BAZ2A: variants seen among roughly 807,000 people sequenced by gnomAD.
The protein encoded by BAZ2A is bromodomain adjacent to zinc finger domain protein 2A.
BAZ2A carries 34 observed loss-of-function variants against 199.9 expected under a neutral mutation model. The observed-to-expected ratio is 0.17, with a 90% CI of 0.13 to 0.23. BAZ2A has a LOEUF of 0.23. Ranked by LOEUF, BAZ2A falls within the 10% of genes least tolerant of loss-of-function variation. The pLI is 1.00. For missense variants in BAZ2A, 2,002 were observed against 2,391.1 expected (o/e 0.84, Z 3.39); for synonymous variants, 857 against 883.9 (o/e 0.97, Z 0.54).
intron 14 of BAZ2A, 82 bp from the exon 15 acceptor site, chr12:56,604,881 C>T: frequency 6.8e-7 from 1 of 1,473,594 alleles, no homozygotes; most frequent in Non-Finnish European, 9.3e-7. Flanking sequence ...GAAAATACAT[C>T]AGAAGAGAAC....
intron 19 of BAZ2A, 142 bp downstream of exon 19, chr12:56,602,571 C>T: frequency 1.7e-6 from 2 of 1,146,818 alleles, no homozygotes; most frequent in Non-Finnish European, 1.2e-6. Context: ...GGTGGGTAGG[C>T]AGCTTTACTC....
At chr12:56,612,272 C>CT (rs753108940) in intron 5 of BAZ2A, 26 bp from the exon 6 acceptor site, 5 of 1,542,244 alleles carry the variant, frequency 3.2e-6, no homozygotes, top group East Asian at 4.5e-5. Flanking sequence ...ACAGGATAGG[C>CT]TTTAAAAAAA....
At chr12:56,625,154 CTTT>C (rs1002458672) in intron 1 of BAZ2A, among the ~76,000 whole-genome samples, 66 of 108,098 alleles carry the variant, frequency 6.1e-4, no homozygotes, top group South Asian at 4.5e-3. Flanking sequence ...CTTAGAATTT[CTTT>C]TTTTTTTTTT....
At position 56,606,299 on chromosome 12, in the gene BAZ2A, C is replaced by T. The variant is rs139817454; in HGVS notation, c.2207G>A (p.Arg736Gln). 2,188 of 1,613,890 alleles carry T rather than the reference C, an allele frequency of 1.4e-3. 4 individuals are homozygous for T. The highest frequency in any genetic ancestry group is 7.3e-3 in the Middle Eastern group (44 of 6,062). The change falls in exon 12 of 29, where the codon CGG becomes CAG. Residue 736 changes from arginine to glutamine, a missense_variant. Physicochemically the swap from Arg to Gln is conservative, Grantham distance 43. This residue lies in a region of BAZ2A where 1,081 missense variants were observed against 1,274.7 expected (regional missense o/e 0.85). Coordinates refer to ENST00000549884, the MANE Select transcript of BAZ2A (RefSeq NM_001300905.2). The stretch of plus-strand genomic sequence containing the variant: ...CTTTAAGCTCTTGGTCTCTTGTTTC[C>T]GCTTATTTCTGGCCTGTAAACCATA... ...TTIQGQARNK[R>Q]KQETKSLKQK...
chr12:56,625,854 C>T (rs1432965782), intron 1 of BAZ2A, among the ~76,000 whole-genome samples: 2 of 130,242 alleles, frequency 1.5e-5, no homozygotes, highest in South Asian at 2.4e-4. Context: ...CCAGCCTGGG[C>T]GACACAGCGA....
At chr12:56,627,505 T>C (rs569736693) in intron 1 of BAZ2A, among the ~76,000 whole-genome samples, 1 of 148,264 alleles carries the variant, frequency 6.7e-6, no homozygotes, top group African/African-American at 2.5e-5. Context: ...CAAAACTTTA[T>C]CTTTCAAAAT....
chr12:56,609,748 G>C lies in BAZ2A; in HGVS notation c.2080C>G (p.Leu694Val). ...NKTDNRPLKK[L>V]EAQETLNEED... ...AATACCACTGTACCTTGGGCCTCCA[G>C]TTTCTTTAGGGGGCGGTTGTCTGTC... The change falls in exon 10 of 29, where the codon CTG becomes GTG. Residue 694 changes from leucine to valine, a missense_variant. Around this residue, in one of 6 missense-constraint regions of BAZ2A, gnomAD observed 1,081 missense variants for 1,274.7 expected, o/e 0.85. Transcript: ENST00000549884. 1 of 1,613,772 alleles carries C rather than the reference G, an allele frequency of 6.2e-7. No individual in the cohort carries two copies. Among genetic ancestry groups the C allele is most frequent in the Non-Finnish European group, 8.5e-7 (1 of 1,179,782 alleles).
Position 56,604,266 on chromosome 12 carries a change from T to A in BAZ2A, c.2989A>T (p.Met997Leu). The change falls in exon 16 of 29, where the codon ATG becomes TTG. Residue 997 changes from methionine (M) to leucine (L), a missense_variant. Coordinates refer to ENST00000549884, the MANE Select transcript of BAZ2A (RefSeq NM_001300905.2). ...INEIDKTLES[M>L]SSYRKNKWIV... ...CACTTGTTTTTCCTGTAGCTGGACA[T>A]ACTCTCCAGAGTCTTGTCAATCTCA... is the stretch of plus-strand genomic sequence containing the variant. 6.2e-7 allele frequency: 1 copy of A among 1,608,912 alleles called. No homozygotes were observed. Among genetic ancestry groups the A allele is most frequent in the South Asian group, 1.1e-5 (1 of 89,894 alleles).
At chr12:56,621,294 A>G in intron 1 of BAZ2A, 1 of 973,796 alleles carries the variant, frequency 1.0e-6, no homozygotes. Context: ...AAATATTAAT[A>G]ACAACATGTC....
At chr12:56,632,965 C>T (rs895499670), upstream of BAZ2A, among the ~76,000 whole-genome samples, 8 of 152,290 alleles carry the variant, frequency 5.3e-5, no homozygotes, top group Admixed American at 5.2e-4. Context: ...CACCCACCCA[C>T]CTCTCTTTTC....
chr12:56,628,756 A>C (rs1241268024), intron 1 of BAZ2A, among the ~76,000 whole-genome samples: 1 of 152,148 alleles, frequency 6.6e-6, no homozygotes, highest in East Asian at 1.9e-4. Context: ...GCAATATAGA[A>C]ACTGTCATAA....
At chr12:56,601,525 C>T (rs1886482195) in intron 20 of BAZ2A, 21 bp downstream of exon 20, 3 of 1,609,388 alleles carry the variant, frequency 1.9e-6, no homozygotes, top group Non-Finnish European at 2.5e-6. Flanking sequence ...CAAGTGCATA[C>T]TACTAATTCT....
At chr12:56,599,435 T>C in intron 26 of BAZ2A, 77 bp from the exon 27 acceptor site, 2 of 1,462,786 alleles carry the variant, frequency 1.4e-6, no homozygotes, top group South Asian at 2.5e-5. Context: ...TGCCTAAATA[T>C]GATTTAAGGC....
rs1555204160 is a variant in BAZ2A, at chr12:56,597,562, G to GCGCACACACACACACACACACA, written c.*1055_*1056insTGTGTGTGTGTGTGTGTGTGCG. 35 of 138,716 alleles carry GCGCACACACACACACACACACA rather than the reference G, an allele frequency of 2.5e-4. No homozygotes were observed. The highest frequency in any genetic ancestry group is 1.0e-3 in the African/African-American group (34 of 33,650). The allele number at this position is 138,716 out of a possible 1,614,324, so 8.6% of individuals were successfully genotyped here. A position where few individuals can be genotyped will look rare whatever the true frequency, so the allele number is the denominator to read the frequency against. Reference sequence around the variant, plus strand: ...TCAAACAATACAGGGTCACAAGCACGCACACACACACACACACACAGCGCG... The same window carrying GCGCACACACACACACACACACA: ...TCAAACAATACAGGGTCACAAGCACGCGCACACACACACACACACACACACACACACACACACACACAGCGCG... On this transcript the variant is annotated 3_prime_UTR_variant, in exon 29 of 29. Transcript: ENST00000549884.
At chr12:56,621,720 ACT>A (rs1225796670) in intron 1 of BAZ2A, among the ~76,000 whole-genome samples, 1 of 150,466 alleles carries the variant, frequency 6.6e-6, no homozygotes, top group Non-Finnish European at 1.5e-5. Flanking sequence ...ACAGAGTCTC[ACT>A]CTGTCATCCA....
intron 1 of BAZ2A, among the ~76,000 whole-genome samples, chr12:56,620,335 A>T (rs1157766473): frequency 1.3e-5 from 2 of 152,008 alleles, no homozygotes; most frequent in African/African-American, 4.8e-5. Flanking sequence ...GAGTCTTTAT[A>T]GTGAAAAGAC....
intron 2 of BAZ2A, among the ~76,000 whole-genome samples, chr12:56,616,650 T>C (rs556907106): frequency 6.6e-6 from 1 of 152,208 alleles, no homozygotes; most frequent in African/African-American, 2.4e-5. Context: ...TGGAATCCAA[T>C]GAAATAAAGG....
intron 1 of BAZ2A, among the ~76,000 whole-genome samples, chr12:56,627,357 C>T (rs1477874479): frequency 2.0e-5 from 3 of 150,810 alleles, no homozygotes; most frequent in Admixed American, 6.6e-5. Context: ...ATTCCAGCTA[C>T]TGGAGGGCTG....
chr12:56,599,282 T>G lies in BAZ2A; in HGVS notation c.5249A>C (p.Asn1750Thr). 6.2e-7 allele frequency: 1 copy of G among 1,613,568 alleles called. No homozygotes were observed. Among genetic ancestry groups the G allele is most frequent in the Non-Finnish European group, 8.5e-7 (1 of 1,179,830 alleles). The change falls in exon 27 of 29, where the codon AAC (asparagine) becomes ACC (threonine). Residue 1750 changes from asparagine (N) to threonine (T), a missense_variant. Around this residue, in one of 6 missense-constraint regions of BAZ2A, gnomAD observed 122 missense variants for 123.0 expected, o/e 0.99. Transcript: ENST00000549884. ...GQKRKSGYSL[N>T]FSEGDGRRRR... is the part of the protein sequence containing the mutation. ...TCGGCGGCCATCACCCTCTGAGAAG[T>G]TCAGCGAATAACCACTTTTCCGCTT...
Sources: allele counts gnomAD v4.1 joint callset (sites outside exome capture counted in the v4.1 genomes callset), GRCh38; gene constraint gnomAD v4.1.1; regional missense constraint gnomAD v4.1.1; transcripts MANE v1.5; gene names NCBI Gene and HGNC (gene_info 2026-07-23, HGNC 2026-07-21).